Variants in DOCK2 observed in about 807,000 individuals in gnomAD.
The protein encoded by DOCK2 is dedicator of cytokinesis 2, also known as dedicator of cytokinesis protein 2.
In DOCK2, 87 loss-of-function variants were observed where a neutral mutation model predicts 248.9. The ratio of observed to expected loss-of-function variants is 0.35; its 90% CI spans 0.29 to 0.42. The LOEUF (loss-of-function observed/expected upper bound fraction) is 0.42. Ranked by LOEUF, DOCK2 falls within the 10% of genes least tolerant of loss-of-function variation. DOCK2 has a pLI of 1.00. For missense variants in DOCK2, 1,747 were observed against 2,300.2 expected (o/e 0.76, Z 4.92); for synonymous variants, 805 against 821.6 (o/e 0.98, Z 0.35).
chr5:169,733,154 T>C (rs969106538), intron 22 of DOCK2, among the ~76,000 whole-genome samples: 13 of 152,064 alleles, frequency 8.5e-5, no homozygotes, highest in African/African-American at 3.1e-4. Context: ...TCTCCCTTTC[T>C]TTTTTTGGGA....
rs537987327 is a variant in DOCK2, at chr5:169,933,443, C to G, written c.2800-49625C>G. Among the ~76,000 whole-genome samples the G allele has an allele frequency of 2.0e-5, 3 of 152,348 alleles. No homozygotes were observed. In the South Asian group the frequency reaches 6.2e-4, roughly 32 times the overall value. On this transcript the variant is annotated intron_variant, in intron 27 of 51. Transcript: ENST00000520908. ...ATTGAGAGTGGCTGCTATAGAAGAG[C>G]TCTTTCTGGTAAATCAGTCATTATC...
At chr5:169,758,881 G>A (rs1189784390) in intron 23 of DOCK2, among the ~76,000 whole-genome samples, 1 of 152,202 alleles carries the variant, frequency 6.6e-6, no homozygotes, top group Non-Finnish European at 1.5e-5. Context: ...ACTTGAGTCT[G>A]ATTGTTAAAG....
At chr5:169,714,574 T>A in intron 19 of DOCK2, 117 bp downstream of exon 19, 1 of 1,054,952 alleles carries the variant, frequency 9.5e-7, no homozygotes, top group Non-Finnish European at 1.4e-6. Context: ...CTTCCAACAG[T>A]AGGATACACT....
intron 26 of DOCK2, among the ~76,000 whole-genome samples, chr5:169,825,180 A>G (rs551994038): frequency 6.6e-6 from 1 of 152,192 alleles, no homozygotes; most frequent in African/African-American, 2.4e-5. Flanking sequence ...TGGGACTGTA[A>G]ACTAGTTCAA....
chr5:169,817,834 A>C (rs1233425612), intron 26 of DOCK2, among the ~76,000 whole-genome samples: 1 of 152,232 alleles, frequency 6.6e-6, no homozygotes, highest in Non-Finnish European at 1.5e-5. Flanking sequence ...AACTCCGAGC[A>C]GATACTCAAT....
chr5:170,051,980 G>T (rs886525606), intron 41 of DOCK2, among the ~76,000 whole-genome samples: 1 of 152,170 alleles, frequency 6.6e-6, no homozygotes, highest in Non-Finnish European at 1.5e-5. Flanking sequence ...CCAGTGCTGG[G>T]CAACAGACAG....
At position 169,965,005 on chromosome 5, in the gene DOCK2, T is replaced by G. The variant is rs369958935; in HGVS notation, c.2800-18063T>G. 2.8e-4 allele frequency among the ~76,000 whole-genome samples: 43 copies of G among 152,366 alleles called. 1 individual carries two copies. In the South Asian group the frequency reaches 8.3e-3, roughly 29 times the overall value. On this transcript the variant is annotated intron_variant, in intron 27 of 51. Transcript: ENST00000520908. ...GCTCCTTGAGAGAAGGAGCCAGGTCTGATTCCCTTTTGAATCAATTCATTC... is the reference window on the plus strand; with the variant it reads ...GCTCCTTGAGAGAAGGAGCCAGGTCGGATTCCCTTTTGAATCAATTCATTC...
intron 27 of DOCK2, among the ~76,000 whole-genome samples, chr5:169,856,635 C>G (rs1770912746): frequency 6.6e-6 from 1 of 152,216 alleles, no homozygotes; most frequent in Non-Finnish European, 1.5e-5. Context: ...ACACCAAAGA[C>G]AATGACACCA....
chr5:169,810,760 A>C lies in DOCK2; in HGVS notation c.2703+7554A>C, dbSNP rs559419949. ...ATTTTAGTATGTCGCACTTAGCGCA[A>C]GCGACTCCATCTTGGTTTGATCTGG... On this transcript the variant is annotated intron_variant, in intron 26 of 51. Transcript: ENST00000520908. 2.0e-4 allele frequency among the ~76,000 whole-genome samples: 30 copies of C among 152,184 alleles called. No individual in the cohort carries two copies. The East Asian group carries it at 5.6e-3, about 29-fold the overall frequency.
intron 27 of DOCK2, among the ~76,000 whole-genome samples, chr5:169,926,108 G>A (rs902376960): frequency 2.6e-5 from 4 of 152,168 alleles, no homozygotes; most frequent in Admixed American, 6.5e-5. Context: ...GTGGGATGCT[G>A]TGGGAAAACA....
intron 25 of DOCK2, among the ~76,000 whole-genome samples, chr5:169,776,852 G>A (rs1765414328): frequency 6.6e-6 from 1 of 152,140 alleles, no homozygotes; most frequent in African/African-American, 2.4e-5. Flanking sequence ...TAAGTTTTCT[G>A]AGGCCTCCCT....
intron 25 of DOCK2, among the ~76,000 whole-genome samples, chr5:169,792,451 A>G (rs201804310): frequency 3.1e-4 from 46 of 149,308 alleles, no homozygotes; most frequent in South Asian, 8.6e-4. Flanking sequence ...TATTTTATAT[A>G]TGTGTGTGTG....
intron 30 of DOCK2, chr5:169,997,976 T>G (rs1014037679): frequency 2.2e-6 from 1 of 456,148 alleles, no homozygotes; most frequent in Admixed American, 2.3e-5. Context: ...CTTCATAGGG[T>G]TTTTCCAGAA....
intron 36 of DOCK2, among the ~76,000 whole-genome samples, chr5:170,040,310 C>T (rs542487701): frequency 6.6e-6 from 1 of 152,306 alleles, no homozygotes; most frequent in Admixed American, 6.5e-5. Flanking sequence ...TTCCTTTGTC[C>T]TTGTTCTCAT....
chr5:169,660,899 A>G (rs1366634544), intron 2 of DOCK2, among the ~76,000 whole-genome samples: 1 of 151,966 alleles, frequency 6.6e-6, no homozygotes, highest in Non-Finnish European at 1.5e-5. Flanking sequence ...ACGTCAGTAA[A>G]CTTCCATTAT....
chr5:169,988,203 G>C lies in DOCK2; in HGVS notation c.2993+2281G>C, dbSNP rs537812492. Among the ~76,000 whole-genome samples the C allele has an allele frequency of 1.9e-4, 29 of 152,190 alleles. No homozygotes were observed. The South Asian group carries it at 5.8e-3, about 31-fold the overall frequency. On this transcript the variant is annotated intron_variant, in intron 29 of 51. Transcript: ENST00000520908. ...ATTTCCTGCATCTTCTGGCCAAAAT[G>C]ATCTCTTATGTTTATAGAACACATG... is the stretch of plus-strand genomic sequence containing the variant.
chr5:169,972,861 T>C (rs1182381871), intron 27 of DOCK2, among the ~76,000 whole-genome samples: 1 of 152,134 alleles, frequency 6.6e-6, no homozygotes, highest in African/African-American at 2.4e-5. Context: ...ACTGCGGAAT[T>C]GAGCAATGCA....
At chr5:169,781,970 G>C (rs1296070002) in intron 25 of DOCK2, among the ~76,000 whole-genome samples, 1 of 152,160 alleles carries the variant, frequency 6.6e-6, no homozygotes, top group African/African-American at 2.4e-5. Context: ...GTTGGTTTAT[G>C]GGGATTCTGG....
intron 27 of DOCK2, among the ~76,000 whole-genome samples, chr5:169,921,553 G>C (rs150022648): frequency 2.0e-5 from 3 of 152,132 alleles, no homozygotes; most frequent in African/African-American, 7.2e-5. Flanking sequence ...CCTCCTCTTC[G>C]TAGGAATTTG....
Sources: allele counts gnomAD v4.1 joint callset (sites outside exome capture counted in the v4.1 genomes callset), GRCh38; gene constraint gnomAD v4.1.1; transcripts MANE v1.5; gene names NCBI Gene and HGNC (gene_info 2026-07-23, HGNC 2026-07-21).